Variants in PURG observed in about 807,000 individuals in gnomAD.
PURG encodes purine rich element binding protein G.
PURG carries 3 observed loss-of-function variants against 24.3 expected under a neutral mutation model. The ratio of observed to expected loss-of-function variants is 0.12; its 90% CI spans 0.06 to 0.32. The LOEUF (loss-of-function observed/expected upper bound fraction) is 0.32. Ranked by LOEUF, PURG falls within the 10% of genes least tolerant of loss-of-function variation. PURG has a pLI of 1.00. For missense variants in PURG, 371 were observed against 439.1 expected (o/e 0.84, Z 1.39); for synonymous variants, 180 against 173.1 (o/e 1.04, Z -0.31).
chr8:31,004,941 C>T (rs1810613984), intron 1 of PURG, among the ~76,000 whole-genome samples: 1 of 152,146 alleles, frequency 6.6e-6, no homozygotes, highest in Non-Finnish European at 1.5e-5. Flanking sequence ...TTTTCTCCCC[C>T]TGCATTCTTA....
At chr8:31,020,480 T>C (rs192320642) in intron 1 of PURG, among the ~76,000 whole-genome samples, 1 of 152,312 alleles carries the variant, frequency 6.6e-6, no homozygotes, top group Non-Finnish European at 1.5e-5. Flanking sequence ...TATACTATAA[T>C]TACAAAATAA....
chr8:31,021,971 C>CTTTT (rs1011753786), intron 1 of PURG, among the ~76,000 whole-genome samples: 6 of 136,952 alleles, frequency 4.4e-5, no homozygotes, highest in Non-Finnish European at 4.7e-5. Context: ...TCATTTCTTT[C>CTTTT]TTTTTTTTTT....
At chr8:31,019,327 ATTTT>A (rs771463137) in intron 1 of PURG, among the ~76,000 whole-genome samples, 3 of 78,926 alleles carry the variant, frequency 3.8e-5, no homozygotes, top group South Asian at 6.4e-4. Context: ...AACACCTCTA[ATTTT>A]TTTTTTTTTT....
At chr8:31,018,896 G>C (rs764456601) in intron 1 of PURG, among the ~76,000 whole-genome samples, 11 of 151,376 alleles carry the variant, frequency 7.3e-5, no homozygotes, top group Admixed American at 1.3e-4. Flanking sequence ...GGGAGGCTGA[G>C]GCGGGCGGAT....
downstream of PURG, among the ~76,000 whole-genome samples, chr8:31,027,981 C>T (rs1359100756): frequency 6.6e-6 from 1 of 151,572 alleles, no homozygotes; most frequent in Admixed American, 6.6e-5. Flanking sequence ...TAAATAATGC[C>T]ACATCAGCTA....
At chr8:31,001,001 A>C (rs1810526036) in intron 1 of PURG, among the ~76,000 whole-genome samples, 1 of 152,244 alleles carries the variant, frequency 6.6e-6, no homozygotes, top group Admixed American at 6.5e-5. Context: ...TGTGAATAAT[A>C]GTCTTGGATA....
At chr8:31,007,803 C>T (rs1810683558) in intron 1 of PURG, among the ~76,000 whole-genome samples, 1 of 152,096 alleles carries the variant, frequency 6.6e-6, no homozygotes, top group Admixed American at 6.6e-5. Context: ...ATTGGTCCCT[C>T]AATCATGCAA....
rs892029869 is a variant in PURG, at chr8:31,030,904, T to C, written c.*835A>G. 7 of 152,386 alleles carry C rather than the reference T, an allele frequency of 4.6e-5. No individual in the cohort carries two copies. Among genetic ancestry groups the C allele is most frequent in the African/African-American group, 1.7e-4 (7 of 41,552 alleles). The allele number at this position is 152,386 out of a possible 1,614,324, so 9.4% of individuals were successfully genotyped here. The stretch of plus-strand genomic sequence containing the variant: ...ACCTCTTGCAATCTTTAAATTAGCA[T>C]GAAAAGCTACACCACCAAGATTTCC... On this transcript the variant is annotated 3_prime_UTR_variant, in exon 2 of 2. Coordinates refer to ENST00000523392, the MANE Select transcript of PURG (RefSeq NM_001323311.2).
intron 1 of PURG, among the ~76,000 whole-genome samples, chr8:31,020,060 A>C (rs1484984453): frequency 6.6e-6 from 1 of 151,958 alleles, no homozygotes; most frequent in Non-Finnish European, 1.5e-5. Flanking sequence ...AATTCCAGCT[A>C]CTCGGGAGGC....
At chr8:31,007,512 C>T (rs574942634) in intron 1 of PURG, among the ~76,000 whole-genome samples, 1 of 152,202 alleles carries the variant, frequency 6.6e-6, no homozygotes, top group African/African-American at 2.4e-5. Flanking sequence ...TTCTGAATGA[C>T]GTCTATATAA....
chr8:31,018,923 C>T (rs1229877295), intron 1 of PURG, among the ~76,000 whole-genome samples: 3 of 150,406 alleles, frequency 2.0e-5, no homozygotes, highest in Non-Finnish European at 1.5e-5. Flanking sequence ...GTCAGGAGAT[C>T]GAGACCATTC....
chr8:30,996,970 G>A (rs1158716681), intron 1 of PURG, among the ~76,000 whole-genome samples: 1 of 151,706 alleles, frequency 6.6e-6, no homozygotes, highest in East Asian at 1.9e-4. Flanking sequence ...ACCAAGAGAA[G>A]AATATACCTT....
Position 31,032,950 on chromosome 8 carries a change from T to C in PURG, c.-7+128A>G, listed in dbSNP as rs2129866208. ...GGGGCTCCAGCCACTGCCGGCCGGT[T>C]GGCGGCCGCCGCTCCGGCTCTGCCC... On this transcript the variant is annotated intron_variant, in intron 1 of 1. Coordinates refer to ENST00000523392, the MANE Select transcript of PURG (RefSeq NM_001323311.2). This position sits in a 1 kb window ranked among gnomAD's most constrained non-coding sequence, Gnocchi z 5.9. 3.8e-6 allele frequency: 1 copy of C among 264,110 alleles called. No individual in the cohort carries two copies. Among genetic ancestry groups the C allele is most frequent in the Non-Finnish European group, 5.9e-6 (1 of 168,126 alleles). The allele number at this position is 264,110 out of a possible 1,614,324, so 16.4% of individuals were successfully genotyped here. A position where few individuals can be genotyped will look rare whatever the true frequency, so the allele number is the denominator to read the frequency against.
At chr8:31,014,699 T>C (rs186142925) in intron 1 of PURG, among the ~76,000 whole-genome samples, 3 of 152,356 alleles carry the variant, frequency 2.0e-5, no homozygotes, top group African/African-American at 7.2e-5. Context: ...ACTTCCAATC[T>C]ACTACTTACG....
chr8:31,032,940 G>T lies in PURG; in HGVS notation c.-7+138C>A. On this transcript the variant is annotated intron_variant, in intron 1 of 1. Coordinates refer to ENST00000523392, the MANE Select transcript of PURG (RefSeq NM_001323311.2). The surrounding 1 kb of genome is among the most constrained non-coding windows in gnomAD (Gnocchi z 5.9). ...GCCGCAGCGCGGGGCTCCAGCCACT[G>T]CCGGCCGGTTGGCGGCCGCCGCTCC... The T allele has an allele frequency of 2.8e-6, 1 of 355,554 alleles. No individual in the cohort carries two copies. Among genetic ancestry groups the T allele is most frequent in the Non-Finnish European group, 4.1e-6 (1 of 245,786 alleles). 22.0% of individuals were successfully genotyped at this position (355,554 alleles called of 1,614,324 possible).
chr8:31,005,911 A>G (rs1000252978), intron 1 of PURG, among the ~76,000 whole-genome samples: 1 of 152,000 alleles, frequency 6.6e-6, no homozygotes, highest in Non-Finnish European at 1.5e-5. Context: ...GCAACAGGAC[A>G]CCACCAGTAG....
chr8:30,998,725 C>T (rs963955364), intron 1 of PURG, among the ~76,000 whole-genome samples: 2 of 151,692 alleles, frequency 1.3e-5, no homozygotes, highest in African/African-American at 2.4e-5. Context: ...TAGTTTATGG[C>T]GTAATATACA....
rs1271294622 is a variant in PURG at position 31,032,924 on chromosome 8, C to T, written c.-6-136G>A. The stretch of plus-strand genomic sequence containing the variant: ...GCCCGGCTCCCCCGGCGCCGCAGCG[C>T]GGGGCTCCAGCCACTGCCGGCCGGT... On this transcript the variant is annotated intron_variant, in intron 1 of 1. Coordinates refer to ENST00000523392, the MANE Select transcript of PURG (RefSeq NM_001323311.2). The surrounding 1 kb of genome is among the most constrained non-coding windows in gnomAD (Gnocchi z 5.9). 1 of 531,134 alleles carries T rather than the reference C, an allele frequency of 1.9e-6. No individual in the cohort carries two copies. The highest frequency in any genetic ancestry group is 2.6e-6 in the Non-Finnish European group (1 of 387,972). The allele number at this position is 531,134 out of a possible 1,614,324, so 32.9% of individuals were successfully genotyped here. A position where few individuals can be genotyped will look rare whatever the true frequency, so the allele number is the denominator to read the frequency against.
exon 2 of PURG, chr8:30,996,288 A>C (rs1810426106): frequency 5.3e-6 from 1 of 190,162 alleles, no homozygotes; most frequent in South Asian, 1.4e-4. Flanking sequence ...ATGATCTCTT[A>C]AGAAAGTATT....
Sources: gnomAD v4.1 joint callset for allele counts (sites outside exome capture counted in the v4.1 genomes callset) on GRCh38, gnomAD v4.1.1 for gene constraint, Gnocchi (gnomAD v3.1) non-coding constraint, MANE v1.5 for transcripts, NCBI Gene and HGNC (gene_info 2026-07-23, HGNC 2026-07-21) for gene names.